Variants in MPDZ observed in about 807,000 individuals in gnomAD.
MPDZ encodes multiple PDZ domain protein.
Under a neutral mutation model 239.1 loss-of-function variants are expected in MPDZ, and 234 were observed. The ratio of observed to expected loss-of-function variants is 0.98; its 90% CI spans 0.88 to 1.09. The LOEUF is 1.09. Among genes scored for constraint, MPDZ ranks in the 50% least tolerant of loss-of-function variants. The pLI is 0.00. For missense variants in MPDZ, 3,175 were observed against 2,510.0 expected (o/e 1.26, Z -5.66); for synonymous variants, 1,048 against 881.3 (o/e 1.19, Z -3.35).
rs1959180366 is a variant in MPDZ, at chr9:13,222,380, A to C, written c.600T>G (p.Ile200Met). 6.2e-7 allele frequency: 1 copy of C among 1,612,780 alleles called. No individual in the cohort carries two copies. The highest frequency in any genetic ancestry group is 1.7e-5 in the Admixed American group (1 of 59,858). ...AINGQALDQT[I>M]THQQAISILQ... The stretch of plus-strand genomic sequence containing the variant: ...GGATGCTGATAGCCTGCTGATGTGT[A>C]ATTGTCTGATCAAGAGCCTGTCCAT... The change falls in exon 6 of 47, where the codon ATT (isoleucine) becomes ATG (methionine). Residue 200 changes from isoleucine (I) to methionine (M), a missense_variant. Transcript: ENST00000319217.
intron 23 of MPDZ, among the ~76,000 whole-genome samples, chr9:13,159,516 A>G (rs180839709): frequency 2.2e-4 from 33 of 152,262 alleles, no homozygotes; most frequent in Non-Finnish European, 3.8e-4. Context: ...GGTAAAAATT[A>G]GCCCTGACCT....
chr9:13,116,073 C>CTACACTACACTAT (rs1202508632), intron 39 of MPDZ, among the ~76,000 whole-genome samples: 3 of 151,914 alleles, frequency 2.0e-5, no homozygotes, highest in Non-Finnish European at 4.4e-5. Flanking sequence ...TATCACTACA[C>CTACACTACACTAT]TGTGCCTGAA....
intron 36 of MPDZ, among the ~76,000 whole-genome samples, 152 bp downstream of exon 36, chr9:13,123,001 T>G (rs748397172): frequency 6.6e-6 from 1 of 152,224 alleles, no homozygotes; most frequent in Non-Finnish European, 1.5e-5. Flanking sequence ...CCGTATCCAA[T>G]TGAATATTTG....
intron 1 of MPDZ, among the ~76,000 whole-genome samples, chr9:13,273,622 C>G (rs1311504709): frequency 6.6e-6 from 1 of 152,078 alleles, no homozygotes; most frequent in African/African-American, 2.4e-5. Flanking sequence ...TAGATCAGCT[C>G]TGGCCAATGG....
intron 19 of MPDZ, among the ~76,000 whole-genome samples, chr9:13,181,533 T>C (rs1045041588): frequency 6.6e-5 from 10 of 152,208 alleles, no homozygotes; most frequent in African/African-American, 2.4e-4. Flanking sequence ...AGTTTCACAA[T>C]GTGTTTTAAA....
At position 13,138,138 on chromosome 9, in the gene MPDZ, C is replaced by G. The variant is rs374429110; in HGVS notation, c.4019G>C (p.Arg1340Pro). 44 of 1,585,798 alleles carry G rather than the reference C, an allele frequency of 2.8e-5. No homozygotes were observed. The highest frequency in any genetic ancestry group is 3.7e-5 in the Non-Finnish European group (43 of 1,166,330). ...CAGCTCGCCTGTTAGGGTTCCATAA[C>G]GCTCTCTGATATTTTCTACATACAA... is the stretch of plus-strand genomic sequence containing the variant. ...FGYSWKNIRE[R>P]YGTLTGELHM... is the part of the protein sequence containing the mutation. The change falls in exon 29 of 47, where the codon CGT becomes CCT. Residue 1340 changes from arginine to proline, a missense_variant. By Grantham distance (103) the Arg-to-Pro change is moderately radical. Transcript: ENST00000319217.
chr9:13,123,038 G>C (rs1458177970), intron 36 of MPDZ, 115 bp downstream of exon 36: 1 of 1,095,698 alleles, frequency 9.1e-7, no homozygotes, highest in African/African-American at 1.6e-5. Context: ...AACAAATACA[G>C]GTTTTTTCGG....
intron 35 of MPDZ, among the ~76,000 whole-genome samples, chr9:13,124,335 G>A (rs542137562): frequency 6.6e-5 from 10 of 152,064 alleles, no homozygotes; most frequent in South Asian, 2.1e-4. Flanking sequence ...GATTATTTTC[G>A]GAGATGTATT....
chr9:13,190,261 C>T lies in MPDZ; in HGVS notation c.2007G>A (p.Glu669=). The T allele has an allele frequency of 6.2e-7, 1 of 1,608,574 alleles. No individual in the cohort carries two copies. The part of the protein sequence containing the change: ...VDLGEFIGSS[E]TEDPVLAMTD... ...TCATCGCCAGCACTGGATCCTCTGT[C>T]TCTGATGACCCGATGAACTCACCTA... Residue 669 remains glutamate, a synonymous_variant, in exon 16 of 47, where the codon GAG becomes GAA. Transcript: ENST00000319217.
chr9:13,237,693 G>C (rs1165210916), intron 3 of MPDZ, among the ~76,000 whole-genome samples: 1 of 152,036 alleles, frequency 6.6e-6, no homozygotes, highest in East Asian at 1.9e-4. Context: ...GAAGACAACA[G>C]ACAGTATTTG....
intron 32 of MPDZ, among the ~76,000 whole-genome samples, chr9:13,130,633 A>AAGC (rs1390770813): frequency 6.6e-6 from 1 of 152,258 alleles, no homozygotes; most frequent in Admixed American, 6.5e-5. Flanking sequence ...CATTAATAGT[A>AAGC]AGCACTATAT....
chr9:13,116,496 T>C (rs1232661217), intron 39 of MPDZ, among the ~76,000 whole-genome samples: 1 of 152,208 alleles, frequency 6.6e-6, no homozygotes, highest in Non-Finnish European at 1.5e-5. Flanking sequence ...ATGTTGATCA[T>C]GAATCATACT....
intron 30 of MPDZ, among the ~76,000 whole-genome samples, chr9:13,136,476 T>C (rs548421437): frequency 6.6e-6 from 1 of 151,590 alleles, no homozygotes; most frequent in Non-Finnish European, 1.5e-5. Flanking sequence ...GGACTACAGG[T>C]GCGTGCCACC....
At chr9:13,227,666 G>C (rs1961069074) in intron 3 of MPDZ, among the ~76,000 whole-genome samples, 1 of 152,076 alleles carries the variant, frequency 6.6e-6, no homozygotes, top group Non-Finnish European at 1.5e-5. Flanking sequence ...CATTCTAAGA[G>C]TAAAGTGAGT....
chr9:13,269,267 G>T (rs1256292171), intron 1 of MPDZ, among the ~76,000 whole-genome samples: 1 of 152,196 alleles, frequency 6.6e-6, no homozygotes, highest in Non-Finnish European at 1.5e-5. Flanking sequence ...TATGGTTTTA[G>T]AGGAAAGAGA....
At chr9:13,223,230 TA>T (rs955501973) in intron 5 of MPDZ, among the ~76,000 whole-genome samples, 4 of 151,624 alleles carry the variant, frequency 2.6e-5, no homozygotes, top group African/African-American at 7.3e-5. Flanking sequence ...TCTGGGTACA[TA>T]AAAAAAATGC....
intron 39 of MPDZ, among the ~76,000 whole-genome samples, chr9:13,117,530 C>CAAA (rs373737156): frequency 1.0e-4 from 14 of 135,230 alleles, no homozygotes; most frequent in African/African-American, 3.0e-4. Flanking sequence ...GACTCCGTCT[C>CAAA]AAAAAAAAAA....
chr9:13,225,253 T>G (rs1483070510), intron 3 of MPDZ, among the ~76,000 whole-genome samples: 1 of 152,092 alleles, frequency 6.6e-6, no homozygotes, highest in Non-Finnish European at 1.5e-5. Context: ...TAAGGTTAAT[T>G]TATTATTGAA....
At chr9:13,223,762 T>C (rs1959583240) in intron 4 of MPDZ, 52 bp from the exon 5 acceptor site, 2 of 1,523,482 alleles carry the variant, frequency 1.3e-6, no homozygotes, top group Non-Finnish European at 1.8e-6. Flanking sequence ...CCATGCATGG[T>C]GGTTCACGCC....
Sources: gnomAD v4.1 joint callset for allele counts (sites outside exome capture counted in the v4.1 genomes callset) on GRCh38, gnomAD v4.1.1 for gene constraint, MANE v1.5 for transcripts, NCBI Gene and HGNC (gene_info 2026-07-23, HGNC 2026-07-21) for gene names.